SLC17A5: variants seen among roughly 807,000 people sequenced by gnomAD.
SLC17A5 encodes sialin.
SLC17A5 carries 47 observed loss-of-function variants against 59.4 expected under a neutral mutation model. That is an observed-to-expected ratio of 0.79 (90% CI 0.63 to 1.01). SLC17A5 has a LOEUF of 1.01. SLC17A5 is among the 50% of genes least tolerant of loss of function. The pLI is 0.00. For missense variants in SLC17A5, 522 were observed against 595.5 expected (o/e 0.88, Z 1.28); for synonymous variants, 202 against 210.7 (o/e 0.96, Z 0.36).
chr6:73,600,310 C>T, intron 10 of SLC17A5, 41 bp downstream of exon 10: 1 of 1,414,750 alleles, frequency 7.1e-7, no homozygotes, highest in South Asian at 1.2e-5. Flanking sequence ...AGATGTGCAG[C>T]TCCAAAACCT....
intron 7 of SLC17A5, among the ~76,000 whole-genome samples, chr6:73,616,399 A>G (rs373508378): frequency 2.6e-5 from 4 of 152,284 alleles, no homozygotes; most frequent in Non-Finnish European, 5.9e-5. Flanking sequence ...AGTCTTGGCC[A>G]TTAAAATTTT....
At chr6:73,597,467 AAAAAC>A (rs1161221578) in intron 10 of SLC17A5, among the ~76,000 whole-genome samples, 3 of 151,448 alleles carry the variant, frequency 2.0e-5, no homozygotes, top group African/African-American at 2.4e-5. Context: ...ACTCCGTCTC[AAAAAC>A]AAAACAAAAC....
intron 7 of SLC17A5, among the ~76,000 whole-genome samples, chr6:73,620,633 G>T (rs1210662496): frequency 3.3e-5 from 5 of 152,160 alleles, no homozygotes; most frequent in Non-Finnish European, 5.9e-5. Flanking sequence ...GTATACTTTG[G>T]AATGTGAGTG....
chr6:73,595,114 T>G lies in SLC17A5; in HGVS notation c.1451A>C (p.Asn484Thr). ...FTLFAKGEVQ[N>T]WALNDHHGHR... ...TCCATGGTGATCATTGAGAGCCCAGTTTTGTACTTCACCTTTGGCGAATAG... is the reference window on the plus strand; with the variant it reads ...TCCATGGTGATCATTGAGAGCCCAGGTTTGTACTTCACCTTTGGCGAATAG... Residue 484 changes from asparagine to threonine, a missense_variant, in exon 11 of 11, where the codon AAC becomes ACC. Asn to Thr is a moderately conservative substitution (Grantham distance 65). Transcript: ENST00000355773. 1 of 1,614,146 alleles carries G rather than the reference T, an allele frequency of 6.2e-7. No homozygotes were observed. The highest frequency in any genetic ancestry group is 8.5e-7 in the Non-Finnish European group (1 of 1,180,018).
chr6:73,600,335 T>C lies in SLC17A5; in HGVS notation c.1350+16A>G. 2 of 1,593,090 alleles carry C rather than the reference T, an allele frequency of 1.3e-6. No individual in the cohort carries two copies. Among genetic ancestry groups the C allele is most frequent in the South Asian group, 2.2e-5 (2 of 90,592 alleles). ...CTCCAAAACCTTTCCAGTTTACAAGTAAATTATCTACTTACATCAGGGGTC... is the reference window on the plus strand; with the variant it reads ...CTCCAAAACCTTTCCAGTTTACAAGCAAATTATCTACTTACATCAGGGGTC... On this transcript the variant is annotated intron_variant, in intron 10 of 10. Coordinates refer to ENST00000355773, the MANE Select transcript of SLC17A5 (RefSeq NM_012434.5).
chr6:73,627,378 A>G (rs1031794843), intron 6 of SLC17A5, among the ~76,000 whole-genome samples: 6 of 152,204 alleles, frequency 3.9e-5, no homozygotes, highest in Non-Finnish European at 7.4e-5. Context: ...CCTGGCCAAA[A>G]CTAAATTTTT....
intron 3 of SLC17A5, among the ~76,000 whole-genome samples, chr6:73,640,514 T>C (rs1045495444): frequency 3.9e-5 from 6 of 152,258 alleles, no homozygotes; most frequent in African/African-American, 1.2e-4. Flanking sequence ...AAGGTTTCAC[T>C]GTTAGATACA....
At chr6:73,638,830 A>G (rs1184236586) in intron 3 of SLC17A5, among the ~76,000 whole-genome samples, 1 of 152,104 alleles carries the variant, frequency 6.6e-6, no homozygotes. Context: ...AAACTCCCCA[A>G]AGATTCATGG....
chr6:73,625,098 C>T (rs80053131), intron 6 of SLC17A5, among the ~76,000 whole-genome samples: 2,172 of 152,172 alleles, frequency 0.014, 53 homozygotes, highest in African/African-American at 0.048. Flanking sequence ...ACCAGTATTG[C>T]CCAACCTTCT....
chr6:73,644,974 A>C (rs1357920504), intron 1 of SLC17A5, among the ~76,000 whole-genome samples: 4 of 152,198 alleles, frequency 2.6e-5, no homozygotes, highest in African/African-American at 7.2e-5. Context: ...AACTATAAAA[A>C]AGTTCATTAA....
At chr6:73,647,035 G>A (rs1010293618) in intron 1 of SLC17A5, among the ~76,000 whole-genome samples, 1 of 152,004 alleles carries the variant, frequency 6.6e-6, no homozygotes, top group Non-Finnish European at 1.5e-5. Flanking sequence ...GTCTGGATGG[G>A]GGACTCAAAA....
At chr6:73,636,773 C>A in intron 4 of SLC17A5, 66 bp from the exon 5 acceptor site, 1 of 1,147,432 alleles carries the variant, frequency 8.7e-7, no homozygotes, top group Non-Finnish European at 1.3e-6. Flanking sequence ...ACAGACAAGT[C>A]TACTGCTTAC....
chr6:73,620,987 A>C, intron 7 of SLC17A5, among the ~76,000 whole-genome samples: 1 of 136,402 alleles, frequency 7.3e-6, no homozygotes, highest in African/African-American at 3.0e-5. Flanking sequence ...CAGCCTCCCA[A>C]AGTGCTGGGA....
At chr6:73,602,127 C>G (rs1224991111) in intron 9 of SLC17A5, among the ~76,000 whole-genome samples, 1 of 151,470 alleles carries the variant, frequency 6.6e-6, no homozygotes, top group African/African-American at 2.4e-5. Context: ...TCCTGTTGAT[C>G]GGTGACCTTA....
chr6:73,630,236 C>T (rs1768636242), intron 6 of SLC17A5, among the ~76,000 whole-genome samples: 1 of 152,194 alleles, frequency 6.6e-6, no homozygotes. Flanking sequence ...CATGATCCGC[C>T]TGCCTTGGCC....
chr6:73,627,728 G>A lies in SLC17A5; in HGVS notation c.820-5766C>T, dbSNP rs555967329. Among the ~76,000 whole-genome samples, 186 of 150,696 alleles carry A rather than the reference G, an allele frequency of 1.2e-3. 3 individuals are homozygous for A. Among genetic ancestry groups the A allele is most frequent in the African/African-American group, 4.3e-3 (176 of 41,042 alleles). ...ACTGCAGCCTCTGCCTCCCAGGTTCGAGCAATTCTCCTGACTCAGCCTCCT... is the reference window on the plus strand; with the variant it reads ...ACTGCAGCCTCTGCCTCCCAGGTTCAAGCAATTCTCCTGACTCAGCCTCCT... On this transcript the variant is annotated intron_variant, in intron 6 of 10. Coordinates refer to ENST00000355773, the MANE Select transcript of SLC17A5 (RefSeq NM_012434.5).
chr6:73,632,106 C>G (rs1768754291), intron 6 of SLC17A5, among the ~76,000 whole-genome samples: 1 of 150,320 alleles, frequency 6.7e-6, no homozygotes, highest in Admixed American at 6.6e-5. Context: ...CAGTTTGAGA[C>G]CAGCTTGATC....
intron 1 of SLC17A5, among the ~76,000 whole-genome samples, 164 bp from the exon 2 acceptor site, chr6:73,644,767 C>T (rs749959946): frequency 2.5e-4 from 38 of 152,180 alleles, no homozygotes; most frequent in Middle Eastern, 3.4e-3. Flanking sequence ...CCACCATACC[C>T]GGCTGCTTTA....
intron 6 of SLC17A5, among the ~76,000 whole-genome samples, chr6:73,622,540 G>C (rs1203531389): frequency 5.9e-5 from 9 of 152,074 alleles, no homozygotes; most frequent in Admixed American, 3.9e-4. Context: ...GACTGCAAGT[G>C]ATCCGACCCA....
Sources: gnomAD v4.1 joint callset for allele counts (sites outside exome capture counted in the v4.1 genomes callset) on GRCh38, gnomAD v4.1.1 for gene constraint, MANE v1.5 for transcripts, NCBI Gene and HGNC (gene_info 2026-07-23, HGNC 2026-07-21) for gene names.